The following IQCE variants were observed in gnomAD, a reference collection of about 807,000 sequenced individuals.
IQCE encodes IQ domain-containing protein E.
Under a neutral mutation model 96.0 loss-of-function variants are expected in IQCE, and 115 were observed. That is an observed-to-expected ratio of 1.20 (90% CI 1.03 to 1.40). The LOEUF is 1.40. Among genes scored for constraint, IQCE ranks in the 40% most tolerant of loss-of-function variants. IQCE has a pLI of 0.00. For synonymous variants in IQCE, 412 were observed against 371.2 expected (o/e 1.11, Z -1.26); for missense variants, 1,041 against 909.1 (o/e 1.15, Z -1.87).
At position 2,583,727 on chromosome 7, in the gene IQCE, G is replaced by A; in HGVS notation, c.774+18G>A. On this transcript the variant is annotated intron_variant, in intron 10 of 21. Coordinates refer to ENST00000402050, the MANE Select transcript of IQCE (RefSeq NM_152558.5). ...ACGAGGAGGTGCGCCGTGCTGGGCG[G>A]CGGAGCGGAGGGCGGGCACCGAGCT... The A allele has an allele frequency of 3.6e-6, 5 of 1,387,992 alleles. No homozygotes were observed. Among genetic ancestry groups the A allele is most frequent in the Non-Finnish European group, 3.8e-6 (4 of 1,043,636 alleles). The allele number at this position is 1,387,992 out of a possible 1,614,324, so 86.0% of individuals were successfully genotyped here. A position where few individuals can be genotyped will look rare whatever the true frequency, so the allele number is the denominator to read the frequency against.
chr7:2,605,925 G>T lies in IQCE; in HGVS notation c.1793G>T (p.Ser598Ile). Residue 598 changes from serine (S) to isoleucine (I), a missense_variant, in exon 20 of 22, where the codon AGC (serine) becomes ATC (isoleucine). Coordinates refer to ENST00000402050, the MANE Select transcript of IQCE (RefSeq NM_152558.5). Reference sequence around the variant, plus strand: ...AGCCCCATCGCCCAGGCCACGGGCAGCCCTGTGCAGGAGGAGGCCATCGTC... The same window carrying T: ...AGCCCCATCGCCCAGGCCACGGGCATCCCTGTGCAGGAGGAGGCCATCGTC... ...VPSPIAQATG[S>I]PVQEEAIVII... 8 of 1,610,686 alleles carry T rather than the reference G, an allele frequency of 5.0e-6. No individual in the cohort carries two copies. The highest frequency in any genetic ancestry group is 6.8e-6 in the Non-Finnish European group (8 of 1,179,044).
At chr7:2,571,210 G>C (rs1279559124) in intron 3 of IQCE, among the ~76,000 whole-genome samples, 2 of 151,900 alleles carry the variant, frequency 1.3e-5, no homozygotes, top group Admixed American at 1.3e-4. Context: ...ATAGAGACAG[G>C]GTCTTGTTGT....
chr7:2,606,623 C>T (rs892204095), intron 20 of IQCE, among the ~76,000 whole-genome samples: 3 of 151,654 alleles, frequency 2.0e-5, no homozygotes, highest in African/African-American at 2.4e-5. Context: ...GTGGTGGAGC[C>T]GCGCGGCCAC....
chr7:2,572,534 G>C (rs1781832629), intron 5 of IQCE, among the ~76,000 whole-genome samples: 1 of 152,190 alleles, frequency 6.6e-6, no homozygotes, highest in African/African-American at 2.4e-5. Flanking sequence ...CTTTCCTCGT[G>C]GGTGCAGGGA....
In IQCE at chr7:2,559,114, C is replaced by T. The variant is rs1780720553; in HGVS notation, c.-68C>T. On this transcript the variant is annotated 5_prime_UTR_variant, in exon 1 of 22. Transcript: ENST00000402050. The stretch of plus-strand genomic sequence containing the variant: ...CCGAGGCTGCGGGCGGCCAGGGCTG[C>T]CCGCGGATTCCCAGACCCGGACGCC... The T allele has an allele frequency of 2.9e-6, 3 of 1,020,428 alleles. No individual in the cohort carries two copies. The highest frequency in any genetic ancestry group is 3.7e-6 in the Non-Finnish European group (3 of 809,772). 63.2% of individuals were successfully genotyped at this position (1,020,428 alleles called of 1,614,324 possible).
At chr7:2,574,481 C>T (rs780529915) in intron 6 of IQCE, among the ~76,000 whole-genome samples, 1 of 152,208 alleles carries the variant, frequency 6.6e-6, no homozygotes, top group Non-Finnish European at 1.5e-5. Flanking sequence ...ACAGAGGCTG[C>T]GCTGCTGAGG....
chr7:2,594,554 C>T (rs933792776), intron 15 of IQCE, among the ~76,000 whole-genome samples: 1 of 152,268 alleles, frequency 6.6e-6, no homozygotes, highest in Non-Finnish European at 1.5e-5. Context: ...GGCCTGGCCT[C>T]CTACTTACTT....
intron 5 of IQCE, 135 bp downstream of exon 5, chr7:2,572,461 G>T (rs1367149338): frequency 1.1e-6 from 1 of 942,660 alleles, no homozygotes; most frequent in Non-Finnish European, 1.5e-6. Flanking sequence ...GGAGGTTTTG[G>T]GAGGTCGTGG....
intron 6 of IQCE, among the ~76,000 whole-genome samples, chr7:2,575,895 G>C (rs1782087906): frequency 6.6e-6 from 1 of 152,188 alleles, no homozygotes; most frequent in Admixed American, 6.5e-5. Flanking sequence ...CCAGTCTTAG[G>C]TTGCATTACA....
chr7:2,585,185 A>C (rs140429477), intron 11 of IQCE, among the ~76,000 whole-genome samples: 1 of 151,938 alleles, frequency 6.6e-6, no homozygotes, highest in Non-Finnish European at 1.5e-5. Context: ...GTACAGGCAC[A>C]TGCCACCACA....
rs575827759 is a variant in IQCE at position 2,613,157 on chromosome 7, G to T, written c.*2995G>T. Reference sequence around the variant, plus strand: ...ATGCCCTTTAAACAAGCAGCCACAGGAGATGTCAGTCTCCAGGGCCTGGCC... The same window carrying T: ...ATGCCCTTTAAACAAGCAGCCACAGTAGATGTCAGTCTCCAGGGCCTGGCC... On this transcript the variant is annotated 3_prime_UTR_variant, in exon 22 of 22. Transcript: ENST00000402050. 1 of 152,320 alleles carries T rather than the reference G, an allele frequency of 6.6e-6. No individual in the cohort carries two copies. Among genetic ancestry groups the T allele is most frequent in the African/African-American group, 2.4e-5 (1 of 41,570 alleles). 9.4% of individuals were successfully genotyped at this position (152,320 alleles called of 1,614,324 possible).
Position 2,588,961 on chromosome 7 carries a change from G to A in IQCE, c.1045-946G>A, listed in dbSNP as rs571198184. On this transcript the variant is annotated intron_variant, in intron 13 of 21. Coordinates refer to ENST00000402050, the MANE Select transcript of IQCE (RefSeq NM_152558.5). ...ATTACAGTCGTGAGCCACCGCGCCT[G>A]GCCTGGACCTTTGTATTTTAAATAG... Among the ~76,000 whole-genome samples, 19 of 152,180 alleles carry A rather than the reference G, an allele frequency of 1.2e-4. No individual in the cohort carries two copies. In the South Asian group the frequency reaches 1.5e-3, roughly 12 times the overall value.
At chr7:2,590,827 C>A (rs2128459184) in intron 14 of IQCE, among the ~76,000 whole-genome samples, 1 of 152,176 alleles carries the variant, frequency 6.6e-6, no homozygotes, top group South Asian at 2.1e-4. Context: ...CCAGAGGAAT[C>A]TTCAAATTGT....
intron 21 of IQCE, chr7:2,607,490 A>G (rs1784923421): frequency 2.3e-6 from 3 of 1,294,300 alleles, no homozygotes; most frequent in Non-Finnish European, 2.9e-6. Flanking sequence ...AACAGGACCG[A>G]GGTGGCTTCC....
chr7:2,607,482 C>G, intron 21 of IQCE: 1 of 1,304,264 alleles, frequency 7.7e-7, no homozygotes, highest in Non-Finnish European at 9.7e-7. Flanking sequence ...TCAGCTCCAA[C>G]AGGACCGAGG....
intron 8 of IQCE, 64 bp from the exon 9 acceptor site, chr7:2,582,516 G>A: frequency 3.6e-6 from 5 of 1,394,082 alleles, no homozygotes; most frequent in Middle Eastern, 3.5e-4. Flanking sequence ...TGGCAGGAGG[G>A]GACAGCCGCT....
intron 1 of IQCE, among the ~76,000 whole-genome samples, chr7:2,561,490 G>C (rs1251594151): frequency 6.8e-6 from 1 of 147,894 alleles, no homozygotes; most frequent in South Asian, 2.1e-4. Flanking sequence ...GCGCGATCTC[G>C]GCTCACTGCA....
chr7:2,596,881 A>G (rs1784077729), intron 16 of IQCE: 1 of 439,122 alleles, frequency 2.3e-6, no homozygotes, highest in African/African-American at 2.0e-5. Flanking sequence ...TGCTGGTGCC[A>G]AGCAACTTGT....
intron 1 of IQCE, among the ~76,000 whole-genome samples, chr7:2,559,778 GGGGGC>G (rs1780793581): frequency 1.4e-4 from 17 of 124,276 alleles, no homozygotes; most frequent in African/African-American, 2.3e-4. Flanking sequence ...GGGGGGGGGG[GGGGGC>G]GGAGGGACAA....
Sources: allele counts gnomAD v4.1 joint callset (sites outside exome capture counted in the v4.1 genomes callset), GRCh38; gene constraint gnomAD v4.1.1; transcripts MANE v1.5; gene names NCBI Gene and HGNC (gene_info 2026-07-23, HGNC 2026-07-21).